The following HHAT variants were observed in gnomAD, a reference collection of about 807,000 sequenced individuals.
HHAT encodes protein-cysteine N-palmitoyltransferase HHAT.
HHAT carries 47 observed loss-of-function variants against 70.8 expected under a neutral mutation model. That is an observed-to-expected ratio of 0.66 (90% CI 0.53 to 0.85). The LOEUF is 0.85. Among genes scored for constraint, HHAT ranks in the 40% least tolerant of loss-of-function variants. The probability of loss-of-function intolerance (pLI) is 0.00; values close to 1 mark genes in which losing one functional copy is unlikely to be tolerated. For synonymous variants in HHAT, 228 were observed against 247.6 expected (o/e 0.92, Z 0.74); for missense variants, 609 against 604.8 (o/e 1.01, Z -0.07).
intron 10 of HHAT, chr1:210,589,373 A>G (rs1473782634): frequency 1.3e-5 from 2 of 152,244 alleles, no homozygotes; most frequent in African/African-American, 4.8e-5. Context: ...CATCAGCAGG[A>G]AAGAAATGCC....
At chr1:210,488,703 G>A (rs2094508155) in intron 8 of HHAT, among the ~76,000 whole-genome samples, 1 of 151,736 alleles carries the variant, frequency 6.6e-6, no homozygotes, top group East Asian at 1.9e-4. Context: ...GACCAGCCTG[G>A]GCAATACAGT....
chr1:210,349,652 C>CTTTT lies in HHAT; in HGVS notation c.91+600_91+603dup, dbSNP rs34752131. ...GTTGGTGGCTATGTGCTACCTAAAACTTTTTTTTTTTTTTTTTGAGACCTA... is the reference window on the plus strand; with the variant it reads ...GTTGGTGGCTATGTGCTACCTAAAACTTTTTTTTTTTTTTTTTTTTTGAGACCTA... On this transcript the variant is annotated intron_variant, in intron 2 of 11. Coordinates refer to ENST00000261458, the MANE Select transcript of HHAT (RefSeq NM_018194.6). 1.5e-3 allele frequency among the ~76,000 whole-genome samples: 198 copies of CTTTT among 135,898 alleles called. 3 individuals are homozygous for CTTTT. Among genetic ancestry groups the CTTTT allele is most frequent in the Middle Eastern group, 7.6e-3 (2 of 264 alleles). The allele number at this position is 135,898 out of a possible 152,430, so 89.2% of individuals were successfully genotyped here. A position where few individuals can be genotyped will look rare whatever the true frequency, so the allele number is the denominator to read the frequency against.
intron 8 of HHAT, among the ~76,000 whole-genome samples, chr1:210,501,618 C>T (rs926432148): frequency 1.3e-5 from 2 of 152,194 alleles, no homozygotes; most frequent in African/African-American, 2.4e-5. Context: ...AATCTGCTGA[C>T]GTCCACAGTC....
chr1:210,512,670 CAA>C (rs34037290), intron 8 of HHAT, among the ~76,000 whole-genome samples: 1,766 of 96,532 alleles, frequency 0.018, 27 homozygotes, highest in East Asian at 0.079. Context: ...GACCTTGTCT[CAA>C]AAAAAAAAAA....
At chr1:210,528,359 C>A (rs944696343) in intron 9 of HHAT, among the ~76,000 whole-genome samples, 1 of 152,086 alleles carries the variant, frequency 6.6e-6, no homozygotes, top group Non-Finnish European at 1.5e-5. Flanking sequence ...GTGTTCCGGG[C>A]GCTAAGAGTG....
At chr1:210,410,674 C>A (rs918839800) in intron 6 of HHAT, among the ~76,000 whole-genome samples, 16 of 151,782 alleles carry the variant, frequency 1.1e-4, no homozygotes, top group Non-Finnish European at 2.1e-4. Flanking sequence ...TTACAGGCAC[C>A]TGCCACCACG....
intron 10 of HHAT, among the ~76,000 whole-genome samples, chr1:210,606,015 C>G (rs1027342726): frequency 6.6e-6 from 1 of 151,996 alleles, no homozygotes; most frequent in Non-Finnish European, 1.5e-5. Context: ...GCCACCACAC[C>G]TGGCTAATTT....
intron 9 of HHAT, among the ~76,000 whole-genome samples, chr1:210,546,649 T>C (rs544161457): frequency 6.6e-6 from 1 of 152,176 alleles, no homozygotes; most frequent in Non-Finnish European, 1.5e-5. Context: ...GCATCAGATT[T>C]CATTTTTAAA....
In HHAT at chr1:210,347,895, T is replaced by C. The variant is rs563967394; in HGVS notation, c.-43-1038T>C. Among the ~76,000 whole-genome samples the C allele has an allele frequency of 3.3e-5, 5 of 152,322 alleles. No individual in the cohort carries two copies. The South Asian group carries it at 1.0e-3, about 32-fold the overall frequency. ...GATGGCCACAGCCATGTCCCTTCAC[T>C]CACACCCTTTTGAATGGAGCTATTC... On this transcript the variant is annotated intron_variant, in intron 1 of 11. Transcript: ENST00000261458.
At chr1:210,406,100 G>T (rs888489210) in intron 6 of HHAT, among the ~76,000 whole-genome samples, 1 of 152,080 alleles carries the variant, frequency 6.6e-6, no homozygotes, top group Non-Finnish European at 1.5e-5. Context: ...AGGAGGGTGG[G>T]AGTAAAGGTA....
chr1:210,389,363 TC>T (rs1428419408), intron 4 of HHAT, among the ~76,000 whole-genome samples: 4 of 152,212 alleles, frequency 2.6e-5, no homozygotes, highest in Non-Finnish European at 5.9e-5. Context: ...AGGTCTCTTT[TC>T]CTCTTCTTAT....
chr1:210,655,644 C>G (rs559854619), intron 11 of HHAT, among the ~76,000 whole-genome samples: 23 of 152,184 alleles, frequency 1.5e-4, no homozygotes, highest in Non-Finnish European at 3.1e-4. Flanking sequence ...CTGTAAGGCA[C>G]AAAAACGTCT....
chr1:210,472,584 G>C (rs532442368), intron 8 of HHAT, among the ~76,000 whole-genome samples: 53 of 152,308 alleles, frequency 3.5e-4, no homozygotes, highest in African/African-American at 1.2e-3. Flanking sequence ...AAATGGTTCA[G>C]GGAGTGATGG....
chr1:210,525,505 A>G (rs1382663128), intron 9 of HHAT, among the ~76,000 whole-genome samples: 1 of 152,202 alleles, frequency 6.6e-6, no homozygotes, highest in South Asian at 2.1e-4. Flanking sequence ...TTTCATTTTT[A>G]GAAGATTTCT....
intron 9 of HHAT, among the ~76,000 whole-genome samples, chr1:210,576,851 A>G (rs115178975): frequency 7.9e-4 from 121 of 152,238 alleles, no homozygotes; most frequent in African/African-American, 2.9e-3. Flanking sequence ...ACTTTCTTTC[A>G]TCAATGTTTT....
Position 210,433,482 on chromosome 1 carries a change from C to T in HHAT, c.856+15157C>T, listed in dbSNP as rs532656679. Among the ~76,000 whole-genome samples the T allele has an allele frequency of 2.3e-3, 345 of 151,858 alleles. 8 individuals are homozygous for T. The highest frequency in any genetic ancestry group is 7.0e-3 in the African/African-American group (289 of 41,222). On this transcript the variant is annotated intron_variant, in intron 7 of 11. Transcript: ENST00000261458. The stretch of plus-strand genomic sequence containing the variant: ...GAGAATATAAATAGAGGTTGTTTCT[C>T]GTGGGATTGATTTGATGTGGTTAAT...
chr1:210,507,855 G>A (rs1207879607), intron 8 of HHAT, among the ~76,000 whole-genome samples: 1 of 151,950 alleles, frequency 6.6e-6, no homozygotes, highest in Non-Finnish European at 1.5e-5. Context: ...AAAAATTTGA[G>A]GTGATGGATA....
chr1:210,525,047 C>T (rs12130532), intron 9 of HHAT, among the ~76,000 whole-genome samples: 62,067 of 151,548 alleles, frequency 0.41, 13,211 homozygotes, highest in Middle Eastern at 0.47. Context: ...TGCAGTTTTC[C>T]CAGGGTGACA....
At chr1:210,560,665 C>G (rs1229836146) in intron 9 of HHAT, among the ~76,000 whole-genome samples, 3 of 148,216 alleles carry the variant, frequency 2.0e-5, no homozygotes, top group African/African-American at 7.5e-5. Context: ...AAAAAAAAAG[C>G]CAGGTGTGAT....
Sources: allele counts gnomAD v4.1 joint callset (sites outside exome capture counted in the v4.1 genomes callset), GRCh38; gene constraint gnomAD v4.1.1; transcripts MANE v1.5; gene names NCBI Gene and HGNC (gene_info 2026-07-23, HGNC 2026-07-21).